The following TTC6 variants were observed in gnomAD, a reference collection of about 807,000 sequenced individuals.
TTC6 encodes the protein tetratricopeptide repeat protein 6.
In TTC6, 172 loss-of-function variants were observed where a neutral mutation model predicts 210.4. The observed-to-expected ratio is 0.82, with a 90% CI of 0.72 to 0.93. The LOEUF (loss-of-function observed/expected upper bound fraction) is 0.93, where lower values mean the gene tolerates loss of function less well. TTC6 is among the 40% of genes least tolerant of loss of function. TTC6 has a pLI of 0.00. For synonymous variants in TTC6, 804 were observed against 819.6 expected (o/e 0.98, Z 0.32); for missense variants, 2,414 against 2,318.1 (o/e 1.04, Z -0.85).
rs759095531 is a variant in TTC6, at chr14:37,737,728, A to G, written c.1977A>G (p.Gln659=). The change falls in exon 9 of 31, where the codon CAA becomes CAG. Residue 659 remains glutamine (Q), a synonymous_variant. Transcript: ENST00000553443. ...AATGGTTTAGTGCACAACCTACACA[A>G]CTAAGGGTATTATAATTTTACAGTT... 17 of 1,496,616 alleles carry G rather than the reference A, an allele frequency of 1.1e-5. No homozygotes were observed. In the African/African-American group the frequency reaches 2.1e-4, roughly 18 times the overall value. The allele number at this position is 1,496,616 out of a possible 1,614,324, so 92.7% of individuals were successfully genotyped here.
Position 37,732,461 on chromosome 14 carries a change from T to G in TTC6, c.1819-3460T>G, listed in dbSNP as rs188018001. Among the ~76,000 whole-genome samples, 529 of 149,398 alleles carry G rather than the reference T, an allele frequency of 3.5e-3. 3 individuals are homozygous for G. The highest frequency in any genetic ancestry group is 0.012 in the African/African-American group (482 of 40,618). On this transcript the variant is annotated intron_variant, in intron 7 of 30. Transcript: ENST00000553443. ...GCCTCCCAAAGTGCTGGGATTACAG[T>G]CGTGAGCCACCACGCCCGGCCTTAT...
rs114536260 is a variant in TTC6, at chr14:37,787,594, A to G, written c.3393A>G (p.Arg1131=). 1.1e-3 allele frequency: 1,666 copies of G among 1,521,928 alleles called. 23 individuals carry two copies. The African/African-American group carries it at 0.021, about 19-fold the overall frequency. The allele number at this position is 1,521,928 out of a possible 1,614,324, so 94.3% of individuals were successfully genotyped here. Residue 1131 remains arginine (R), a synonymous_variant, in exon 15 of 31, where the codon AGA becomes AGG. Coordinates refer to ENST00000553443, the Ensembl canonical transcript of TTC6. Reference sequence around the variant, plus strand: ...TGTATTATCGAGGTTGCTTATTCAGAAAGAGTAACCCTTTTAGAGCGCTAC... The same window carrying G: ...TGTATTATCGAGGTTGCTTATTCAGGAAGAGTAACCCTTTTAGAGCGCTAC...
rs948206891 is a variant in TTC6 at position 37,598,918 on chromosome 14, T to C, written c.-235+2910T>C. Among the ~76,000 whole-genome samples the C allele has an allele frequency of 7.9e-5, 12 of 151,826 alleles. No homozygotes were observed. Among genetic ancestry groups the C allele is most frequent in the African/African-American group, 2.4e-4 (10 of 41,350 alleles). Reference sequence around the variant, plus strand: ...ATGCTTGGTGTGGAGTGGTTCGAGTTCCTCCGCGGGCCCCCACCCCCCACC... The same window carrying C: ...ATGCTTGGTGTGGAGTGGTTCGAGTCCCTCCGCGGGCCCCCACCCCCCACC... On this transcript the variant is annotated intron_variant, in intron 1 of 2. Transcript: ENST00000556845. The surrounding 1 kb of genome is among the most constrained non-coding windows in gnomAD (Gnocchi z 4.9).
intron 14 of TTC6, among the ~76,000 whole-genome samples, chr14:37,776,823 G>A (rs2096039148): frequency 6.6e-6 from 1 of 151,722 alleles, no homozygotes; most frequent in Admixed American, 6.6e-5. Flanking sequence ...TTGGGCGGGG[G>A]CGGGCTGAGG....
intron 14 of TTC6, among the ~76,000 whole-genome samples, chr14:37,761,925 A>T (rs1244457870): frequency 6.6e-6 from 1 of 151,956 alleles, no homozygotes; most frequent in Non-Finnish European, 1.5e-5. Flanking sequence ...AATACTTACC[A>T]TTTTTTCCTC....
At chr14:37,767,976 T>C (rs2096004665) in intron 14 of TTC6, among the ~76,000 whole-genome samples, 1 of 148,618 alleles carries the variant, frequency 6.7e-6, no homozygotes, top group Admixed American at 6.8e-5. Flanking sequence ...TTGATTTTTG[T>C]ATAAGGTGTA....
intron 21 of TTC6, among the ~76,000 whole-genome samples, chr14:37,805,821 C>T (rs2096117368): frequency 6.6e-6 from 1 of 152,138 alleles, no homozygotes; most frequent in African/African-American, 2.4e-5. Flanking sequence ...CTGCCTCAGC[C>T]TCCCGAGTAG....
intron 1 of TTC6, among the ~76,000 whole-genome samples, chr14:37,642,801 G>C (rs2095694489): frequency 6.6e-6 from 1 of 152,102 alleles, no homozygotes. Context: ...GTTGCTCCTA[G>C]ACTACAAAGC....
chr14:37,820,199 G>A (rs1463558174), intron 26 of TTC6, among the ~76,000 whole-genome samples: 1 of 152,010 alleles, frequency 6.6e-6, no homozygotes, highest in East Asian at 1.9e-4. Context: ...TTTTCTTCCT[G>A]GTCTATTGGT....
intron 1 of TTC6, among the ~76,000 whole-genome samples, chr14:37,627,971 GT>G (rs2095663184): frequency 1.3e-5 from 2 of 152,082 alleles, no homozygotes; most frequent in African/African-American, 2.4e-5. Context: ...TTCCTGACTT[GT>G]TTTTGTTTTT....
chr14:37,796,374 A>G lies in TTC6; in HGVS notation c.3868+4A>G, dbSNP rs1472427958. ...CAAATAGCAGAAATGGACAAAGGTA[A>G]GTATAATTAATTATAACTTTTAAGA... On this transcript the variant is annotated splice_donor_region_variant and intron_variant, in intron 19 of 30. Transcript: ENST00000553443. The G allele has an allele frequency of 9.0e-7, 1 of 1,115,164 alleles. No individual in the cohort carries two copies. Among genetic ancestry groups the G allele is most frequent in the Non-Finnish European group, 1.3e-6 (1 of 773,310 alleles). 69.1% of individuals were successfully genotyped at this position (1,115,164 alleles called of 1,614,324 possible). A position where few individuals can be genotyped will look rare whatever the true frequency, so the allele number is the denominator to read the frequency against.
At chr14:37,705,425 G>T (rs893116651) in intron 5 of TTC6, among the ~76,000 whole-genome samples, 1 of 151,910 alleles carries the variant, frequency 6.6e-6, no homozygotes, top group East Asian at 1.9e-4. Flanking sequence ...TCAAAATCTT[G>T]CCATTTATAG....
intron 14 of TTC6, among the ~76,000 whole-genome samples, chr14:37,783,985 GGT>G (rs1191663881): frequency 1.3e-5 from 2 of 152,106 alleles, no homozygotes; most frequent in Admixed American, 6.5e-5. Context: ...ATTGCACTGT[GGT>G]CTGAGAGACA....
In TTC6 at chr14:37,639,613, G is replaced by T. The variant is rs1246825206; in HGVS notation, c.939+16610G>T. Among the ~76,000 whole-genome samples the T allele has an allele frequency of 2.6e-5, 4 of 151,280 alleles. No homozygotes were observed. In the Admixed American group the frequency reaches 2.6e-4, roughly 10 times the overall value. ...TGACTGGGTGCGGTGGCTCATGCCT[G>T]TAATCCCAGCACTTTGGGAGGCCGA... On this transcript the variant is annotated intron_variant, in intron 1 of 30. Coordinates refer to ENST00000553443, the Ensembl canonical transcript of TTC6.
At chr14:37,639,163 G>A (rs184793335) in intron 1 of TTC6, among the ~76,000 whole-genome samples, 1 of 152,120 alleles carries the variant, frequency 6.6e-6, no homozygotes, top group Non-Finnish European at 1.5e-5. Flanking sequence ...GTATTTAAAT[G>A]TTTTCTTGGC....
At chr14:37,782,831 G>A (rs2096058507) in intron 14 of TTC6, among the ~76,000 whole-genome samples, 1 of 152,066 alleles carries the variant, frequency 6.6e-6, no homozygotes, top group South Asian at 2.1e-4. Context: ...AGCGTTTTTA[G>A]CATGAAGGGC....
At chr14:37,789,011 C>A (rs1221023214) in intron 15 of TTC6, among the ~76,000 whole-genome samples, 1 of 152,024 alleles carries the variant, frequency 6.6e-6, no homozygotes, top group Non-Finnish European at 1.5e-5. Context: ...AATAATTGAA[C>A]AAAATTCCTA....
intron 5 of TTC6, among the ~76,000 whole-genome samples, chr14:37,707,755 T>C (rs2095838174): frequency 6.6e-6 from 1 of 152,104 alleles, no homozygotes; most frequent in African/African-American, 2.4e-5. Context: ...TCATTTTGGG[T>C]TTTTCTGTGT....
At chr14:37,741,322 C>G (rs1198521635) in intron 10 of TTC6, among the ~76,000 whole-genome samples, 1 of 127,788 alleles carries the variant, frequency 7.8e-6, no homozygotes, top group African/African-American at 3.4e-5. Context: ...GAGACAGAGT[C>G]TCGCTGTTGC....
Sources: gnomAD v4.1 joint callset for allele counts (sites outside exome capture counted in the v4.1 genomes callset) on GRCh38, gnomAD v4.1.1 for gene constraint, Gnocchi (gnomAD v3.1) non-coding constraint, MANE v1.5 for transcripts, NCBI Gene and HGNC (gene_info 2026-07-23, HGNC 2026-07-21) for gene names.